TAPBP: variants seen among roughly 807,000 people sequenced by gnomAD.
TAPBP encodes the protein tapasin.
TAPBP carries 38 observed loss-of-function variants against 45.7 expected under a neutral mutation model. The observed-to-expected ratio is 0.83, with a 90% confidence interval of 0.64 to 1.09. The LOEUF (loss-of-function observed/expected upper bound fraction) is 1.09, where lower values mean the gene tolerates loss of function less well. Ranked by LOEUF, TAPBP falls within the 50% of genes least tolerant of loss-of-function variation. The pLI is 0.00. For missense variants in TAPBP, 513 were observed against 587.3 expected, an observed-to-expected ratio of 0.87 and a Z score of 1.31; for synonymous variants, 226 against 254.8, an observed-to-expected ratio of 0.89 and a Z score of 1.08.
At chr6:33,307,242 C>A (rs548091853) in intron 3 of TAPBP, among the ~76,000 whole-genome samples, 9 of 150,928 alleles carry the variant, frequency 6.0e-5, no homozygotes, top group African/African-American at 2.2e-4. Context: ...AAGCTGAAAT[C>A]ATGCCACTAC....
chr6:33,301,520 G>A lies in TAPBP; in HGVS notation c.*240C>T. The stretch of plus-strand genomic sequence containing the variant: ...ACCCAGGAGGCGGAGGTTGCAGTAA[G>A]CCAAGATCATGCCACTGCACTGCAG... On this transcript the variant is annotated 3_prime_UTR_variant, in exon 8 of 8. Coordinates refer to ENST00000434618, the MANE Select transcript of TAPBP (RefSeq NM_003190.5). 3.8e-6 allele frequency: 2 copies of A among 525,192 alleles called. No individual in the cohort carries two copies. Among genetic ancestry groups the A allele is most frequent in the East Asian group, 3.1e-5 (1 of 32,534 alleles). The allele number at this position is 525,192 out of a possible 1,614,324, so 32.5% of individuals were successfully genotyped here.
In TAPBP at chr6:33,301,581, A is replaced by C. The variant is rs1303547124; in HGVS notation, c.*179T>G. On this transcript the variant is annotated 3_prime_UTR_variant, in exon 8 of 8. Transcript: ENST00000434618. Reference sequence around the variant, plus strand: ...AGAGTGAGACTCCGTCTCAAAAAAAAAAAAAAAAGAAAAATTATCCCTTAT... The same window carrying C: ...AGAGTGAGACTCCGTCTCAAAAAAACAAAAAAAAGAAAAATTATCCCTTAT... 1 of 618,584 alleles carries C rather than the reference A, an allele frequency of 1.6e-6. No homozygotes were observed. Among genetic ancestry groups the C allele is most frequent in the Non-Finnish European group, 2.8e-6 (1 of 352,450 alleles). The allele number at this position is 618,584 out of a possible 1,614,324, so 38.3% of individuals were successfully genotyped here.
chr6:33,300,264 C>T lies in TAPBP; in HGVS notation c.*1496G>A, dbSNP rs1768450935. On this transcript the variant is annotated 3_prime_UTR_variant, in exon 8 of 8. Transcript: ENST00000434618. ...CCAGGGCAAGAAGAATGGATTTGGC[C>T]CTAGAGTACGGGTTCTCCAAATGTA... The T allele has an allele frequency of 6.5e-6, 1 of 153,754 alleles. No homozygotes were observed. The highest frequency in any genetic ancestry group is 1.5e-5 in the Non-Finnish European group (1 of 68,060). 9.5% of individuals were successfully genotyped at this position (153,754 alleles called of 1,614,324 possible).
rs752556005 is a variant in TAPBP, at chr6:33,313,713, C to T, written c.189G>A (p.Glu63=). 1.2e-6 allele frequency: 2 copies of T among 1,612,980 alleles called. No homozygotes were observed. Among genetic ancestry groups the T allele is most frequent in the Non-Finnish European group, 1.7e-6 (2 of 1,179,852 alleles). ...ACTCACCGTGTACACTGAGATAGAG[C>T]TCAGGGTCGAGGTCCGGCCGGGGCG... is the stretch of plus-strand genomic sequence containing the variant. ...EPPPRPDLDP[E]LYLSVHDPAG... The change falls in exon 2 of 8, where the codon GAG becomes GAA. Residue 63 remains glutamate, a synonymous_variant. Transcript: ENST00000434618. This position sits in a 1 kb window ranked among gnomAD's most constrained non-coding sequence, Gnocchi z 7.2.
At chr6:33,311,981 C>A (rs2150971922) in intron 3 of TAPBP, among the ~76,000 whole-genome samples, 1 of 152,314 alleles carries the variant, frequency 6.6e-6, no homozygotes, top group African/African-American at 2.4e-5. Flanking sequence ...CTAACTCATT[C>A]TTGGTGCTAA....
intron 3 of TAPBP, among the ~76,000 whole-genome samples, chr6:33,306,988 A>AAC (rs1343503971): frequency 6.6e-6 from 1 of 151,092 alleles, no homozygotes; most frequent in East Asian, 2.0e-4. Flanking sequence ...CAAAAAAAAA[A>AAC]AAAAAAATCC....
In TAPBP at chr6:33,304,879, C is replaced by G. The variant is rs529233034; in HGVS notation, c.868+110G>C. The stretch of plus-strand genomic sequence containing the variant: ...CTAACTCCCAGGAACCTCTTTCTAT[C>G]TCTACTTACTTGCCCAGGCACCCTC... On this transcript the variant is annotated intron_variant, in intron 4 of 7. Transcript: ENST00000434618. 17 of 1,495,360 alleles carry G rather than the reference C, an allele frequency of 1.1e-5. No homozygotes were observed. In the African/African-American group the frequency reaches 2.4e-4, roughly 21 times the overall value. The allele number at this position is 1,495,360 out of a possible 1,614,324, so 92.6% of individuals were successfully genotyped here. A position where few individuals can be genotyped will look rare whatever the true frequency, so the allele number is the denominator to read the frequency against.
Position 33,304,632 on chromosome 6 carries a change from G to T in TAPBP, c.875C>A (p.Pro292His), listed in dbSNP as rs770133371. ...VTLELAVYKPPKVSLMPATLA... is the reference protein window; with the variant it reads ...VTLELAVYKPHKVSLMPATLA... The stretch of plus-strand genomic sequence containing the variant: ...GGTTGCTGGCATCAGGGACACTTTG[G>T]GGGGTTCTGGGGAAAGAGGACGAAA... Residue 292 changes from proline to histidine, a missense_variant, in exon 5 of 8, where the codon CCC (proline) becomes CAC (histidine). Pro to His is a moderately conservative substitution (Grantham distance 77). Coordinates refer to ENST00000434618, the MANE Select transcript of TAPBP (RefSeq NM_003190.5). 1.3e-6 allele frequency: 2 copies of T among 1,566,124 alleles called. No individual in the cohort carries two copies. Among genetic ancestry groups the T allele is most frequent in the Non-Finnish European group, 1.7e-6 (2 of 1,160,876 alleles).
chr6:33,307,461 G>T lies in TAPBP; in HGVS notation c.470-2074C>A, dbSNP rs1769056695. ...TCGTCACCTAGGCTAGAGTATAGTG[G>T]TGTGATCTTGGCTCACTGCAACCTC... On this transcript the variant is annotated intron_variant, in intron 3 of 7. Coordinates refer to ENST00000434618, the MANE Select transcript of TAPBP (RefSeq NM_003190.5). Among the ~76,000 whole-genome samples the T allele has an allele frequency of 2.1e-5, 3 of 141,192 alleles. No homozygotes were observed. In the South Asian group the frequency reaches 6.7e-4, roughly 31 times the overall value. 92.6% of individuals were successfully genotyped at this position (141,192 alleles called of 152,430 possible). A position where few individuals can be genotyped will look rare whatever the true frequency, so the allele number is the denominator to read the frequency against.
chr6:33,310,149 C>T (rs35433260), intron 3 of TAPBP, among the ~76,000 whole-genome samples: 10,015 of 152,020 alleles, frequency 0.066, 799 homozygotes, highest in African/African-American at 0.19. Context: ...TGAGTCACCT[C>T]ACCTGACTCC....
At chr6:33,302,939 G>A (rs1430253155) in intron 7 of TAPBP, among the ~76,000 whole-genome samples, 3 of 151,954 alleles carry the variant, frequency 2.0e-5, no homozygotes, top group Non-Finnish European at 4.4e-5. Context: ...CATCGCACCC[G>A]GCCTGTAATT....
rs1166768989 is a variant in TAPBP at position 33,300,272 on chromosome 6, A to C, written c.*1488T>G. On this transcript the variant is annotated 3_prime_UTR_variant, in exon 8 of 8. Coordinates refer to ENST00000434618, the MANE Select transcript of TAPBP (RefSeq NM_003190.5). ...AGAAGAATGGATTTGGCCCTAGAGTACGGGTTCTCCAAATGTAACCTCGGC... is the reference window on the plus strand; with the variant it reads ...AGAAGAATGGATTTGGCCCTAGAGTCCGGGTTCTCCAAATGTAACCTCGGC... The C allele has an allele frequency of 6.5e-6, 1 of 153,810 alleles. No individual in the cohort carries two copies. The highest frequency in any genetic ancestry group is 1.5e-5 in the Non-Finnish European group (1 of 68,058). 9.5% of individuals were successfully genotyped at this position (153,810 alleles called of 1,614,324 possible).
rs9280398 is a variant in TAPBP at position 33,307,394 on chromosome 6, CTT to C, written c.470-2009_470-2008del. On this transcript the variant is annotated intron_variant, in intron 3 of 7. Coordinates refer to ENST00000434618, the MANE Select transcript of TAPBP (RefSeq NM_003190.5). ...CTGGGTTCAATTTCTAGCCCTGCTT[CTT>C]TTTTTTTTTTTTTTTTTTTTTTTTG... 7.9e-3 allele frequency among the ~76,000 whole-genome samples: 697 copies of C among 88,666 alleles called. 7 individuals carry two copies. Among genetic ancestry groups the C allele is most frequent in the Middle Eastern group, 0.026 (4 of 156 alleles). The allele number at this position is 88,666 out of a possible 152,430, so 58.2% of individuals were successfully genotyped here.
Position 33,305,165 on chromosome 6 carries a change from G to T in TAPBP, c.692C>A (p.Ala231Asp). 1 of 1,614,242 alleles carries T rather than the reference G, an allele frequency of 6.2e-7. No individual in the cohort carries two copies. The highest frequency in any genetic ancestry group is 8.5e-7 in the Non-Finnish European group (1 of 1,180,052). ...AGCAAATGCCACGGCCCCTTCTTGGGCTGCTGGCATCTGGCCATTCAGCCC... is the reference window on the plus strand; with the variant it reads ...AGCAAATGCCACGGCCCCTTCTTGGTCTGCTGGCATCTGGCCATTCAGCCC... ...TPGLNGQMPAAQEGAVAFAAW... is the reference protein window; with the variant it reads ...TPGLNGQMPADQEGAVAFAAW... The change falls in exon 4 of 8, where the codon GCC becomes GAC. Residue 231 changes from alanine to aspartate, a missense_variant. Ala to Asp is a moderately radical substitution (Grantham distance 126). Transcript: ENST00000434618. This position sits in a 1 kb window ranked among gnomAD's most constrained non-coding sequence, Gnocchi z 4.4.
chr6:33,304,254 TC>T, intron 5 of TAPBP, 37 bp from the exon 6 acceptor site: 1 of 1,608,494 alleles, frequency 6.2e-7, no homozygotes, highest in Non-Finnish European at 8.5e-7. Flanking sequence ...GCTCCTGTCT[TC>T]CTGGGTGCTG....
intron 3 of TAPBP, among the ~76,000 whole-genome samples, chr6:33,310,799 G>C (rs1180341462): frequency 3.3e-5 from 5 of 152,042 alleles, no homozygotes; most frequent in Admixed American, 6.6e-5. Context: ...AGCCTGCACT[G>C]CACTCCAGCC....
At chr6:33,302,268 C>T (rs1768644012) in intron 7 of TAPBP, among the ~76,000 whole-genome samples, 1 of 151,618 alleles carries the variant, frequency 6.6e-6, no homozygotes, top group Admixed American at 6.6e-5. Context: ...GCCACAGCTC[C>T]CCAAGTAGCT....
rs1275385798 is a variant in TAPBP, at chr6:33,303,985, GA to G, written c.1304del (p.Val435AlafsTer39). ...TTGAATCCTTGCAGGTGGACAGGTA[GA>G]CAGCTGTGGGGAAAGATTGAGAAGG... ...GLFKALGWAA[V>X]YLSTCKDSKK... On this transcript the variant is annotated frameshift_variant, in exon 7 of 8. Transcript: ENST00000434618. LOFTEE classifies it high-confidence loss of function. The G allele has an allele frequency of 6.2e-7, 1 of 1,613,906 alleles. No individual in the cohort carries two copies. Among genetic ancestry groups the G allele is most frequent in the Admixed American group, 1.7e-5 (1 of 59,970 alleles).
Position 33,305,759 on chromosome 6 carries a change from C to G in TAPBP, c.470-372G>C, listed in dbSNP as rs900990427. ...TCTCCAAGCACCACCCTTGAGGAAC[C>G]AGGCCTTTCTTGATTACAGGCGAAG... On this transcript the variant is annotated intron_variant, in intron 3 of 7. Transcript: ENST00000434618. This position sits in a 1 kb window ranked among gnomAD's most constrained non-coding sequence, Gnocchi z 4.4. 4.6e-5 allele frequency among the ~76,000 whole-genome samples: 7 copies of G among 152,024 alleles called. No homozygotes were observed. The highest frequency in any genetic ancestry group is 1.7e-4 in the African/African-American group (7 of 41,380).
Sources: allele counts gnomAD v4.1 joint callset (sites outside exome capture counted in the v4.1 genomes callset), GRCh38; gene constraint gnomAD v4.1.1; non-coding constraint Gnocchi (gnomAD v3.1); transcripts MANE v1.5; gene names NCBI Gene and HGNC (gene_info 2026-07-23, HGNC 2026-07-21).